The following FAM193A variants were observed in gnomAD, a reference collection of about 807,000 sequenced individuals.
FAM193A encodes the protein protein FAM193A.
A neutral mutation model predicts 126.5 loss-of-function variants in FAM193A; 22 were observed. The ratio of observed to expected loss-of-function variants is 0.17; its 90% CI spans 0.12 to 0.25. The LOEUF is 0.25. Among genes scored for constraint, FAM193A ranks in the 10% least tolerant of loss-of-function variants. The pLI is 1.00. For synonymous variants in FAM193A, 761 were observed against 646.8 expected, an observed-to-expected ratio of 1.18 and a Z score of -2.68; for missense variants, 1,675 against 1,672.8, an observed-to-expected ratio of 1.00 and a Z score of -0.02.
chr4:2,731,916 C>A lies in FAM193A; in HGVS notation c.*48C>A. 7.1e-7 allele frequency: 1 copy of A among 1,417,054 alleles called. No homozygotes were observed. 87.8% of individuals were successfully genotyped at this position (1,417,054 alleles called of 1,614,324 possible). On this transcript the variant is annotated 3_prime_UTR_variant, in exon 21 of 21. Coordinates refer to ENST00000637812, the MANE Select transcript of FAM193A (RefSeq NM_001366318.2). ...CACGCGAGAGGCAGGCCAGGCTGCA[C>A]CACCCCAAGAGCCACGCCCCTCGCT...
At chr4:2,655,213 C>G in intron 7 of FAM193A, 1 of 557,210 alleles carries the variant, frequency 1.8e-6, no homozygotes, top group Non-Finnish European at 3.3e-6. Context: ...ACCTTTATTT[C>G]TAGTTGATTT....
chr4:2,547,073 G>A (rs1416187616), intron 1 of FAM193A, among the ~76,000 whole-genome samples: 1 of 152,128 alleles, frequency 6.6e-6, no homozygotes, highest in Non-Finnish European at 1.5e-5. Flanking sequence ...ATAAGCCCTG[G>A]CCTAAACTGT....
intron 1 of FAM193A, among the ~76,000 whole-genome samples, chr4:2,566,058 T>C (rs1001216175): frequency 6.6e-6 from 1 of 152,040 alleles, no homozygotes; most frequent in Non-Finnish European, 1.5e-5. Context: ...TTGCTTTTTT[T>C]TTTTTTTGAG....
At chr4:2,628,977 C>T (rs866260439) in intron 4 of FAM193A, among the ~76,000 whole-genome samples, 23 of 151,964 alleles carry the variant, frequency 1.5e-4, no homozygotes, top group African/African-American at 4.8e-4. Flanking sequence ...CTCAGCCTCG[C>T]GAGTAGCTGG....
At chr4:2,602,660 ATGTTTT>A (rs1741268980) in intron 2 of FAM193A, among the ~76,000 whole-genome samples, 1 of 149,006 alleles carries the variant, frequency 6.7e-6, no homozygotes, top group African/African-American at 2.5e-5. Context: ...TTTCGTTTTG[ATGTTTT>A]TGTTTTTGTT....
At chr4:2,541,737 G>A (rs1442798543) in intron 1 of FAM193A, among the ~76,000 whole-genome samples, 1 of 151,698 alleles carries the variant, frequency 6.6e-6, no homozygotes, top group Non-Finnish European at 1.5e-5. Flanking sequence ...ACCCACTGCA[G>A]CCTCTCTATT....
At chr4:2,727,459 C>T (rs1435438421) in intron 20 of FAM193A, among the ~76,000 whole-genome samples, 1 of 152,180 alleles carries the variant, frequency 6.6e-6, no homozygotes, top group African/African-American at 2.4e-5. Context: ...TAGCAGCATT[C>T]CCGCTGAGAC....
intron 20 of FAM193A, among the ~76,000 whole-genome samples, chr4:2,718,945 A>G (rs1451815281): frequency 6.6e-6 from 1 of 152,214 alleles, no homozygotes; most frequent in Non-Finnish European, 1.5e-5. Context: ...TGAGAAAACT[A>G]CATTTTAACA....
rs773024588 is a variant in FAM193A at position 2,696,538 on chromosome 4, C to A, written c.3452C>A (p.Thr1151Asn). 4 of 1,614,190 alleles carry A rather than the reference C, an allele frequency of 2.5e-6. No homozygotes were observed. The South Asian group carries it at 4.4e-5, about 18-fold the overall frequency. The change falls in exon 18 of 21, where the codon ACC becomes AAC. Residue 1151 changes from threonine to asparagine, a missense_variant. Physicochemically the swap from Thr to Asn is moderately conservative, Grantham distance 65 (BLOSUM62 0). Around this residue, in one of 4 missense-constraint regions of FAM193A, gnomAD observed 415 missense variants for 396.7 expected, o/e 1.05. Coordinates refer to ENST00000637812, the MANE Select transcript of FAM193A (RefSeq NM_001366318.2). Reference protein sequence around the residue: ...DLLQFINSSETKPVSSTRAAK... With the variant: ...DLLQFINSSENKPVSSTRAAK... ...TTGCAGTTTATAAATAGCTCCGAAA[C>A]CAAACCAGTGAGCAGCACGCGTGCA...
intron 20 of FAM193A, among the ~76,000 whole-genome samples, chr4:2,717,828 A>G (rs1410657064): frequency 2.0e-5 from 3 of 148,654 alleles, no homozygotes; most frequent in African/African-American, 7.4e-5. Context: ...TAATTTTTTT[A>G]TTTTTAGTAG....
Position 2,721,312 on chromosome 4 carries a change from CAAAAAAAA to C in FAM193A, c.4454+5230_4454+5237del, listed in dbSNP as rs56875674. ...TGGGCAACAGAGCAAGACTCCGTCT[CAAAAAAAA>C]AAAAAAAAAAAAAAAAAAAAAGCCA... On this transcript the variant is annotated intron_variant, in intron 20 of 20. Transcript: ENST00000637812. 2.3e-4 allele frequency among the ~76,000 whole-genome samples: 16 copies of C among 70,008 alleles called. 1 individual carries two copies. The highest frequency in any genetic ancestry group is 5.7e-4 in the African/African-American group (9 of 15,820). 45.9% of individuals were successfully genotyped at this position (70,008 alleles called of 152,430 possible).
intron 1 of FAM193A, among the ~76,000 whole-genome samples, chr4:2,540,093 G>C (rs1220828727): frequency 6.7e-6 from 1 of 150,000 alleles, no homozygotes; most frequent in Non-Finnish European, 1.5e-5. Flanking sequence ...ACTACTGCCT[G>C]GGCAACAAGA....
At chr4:2,664,026 T>C (rs1008780085) in intron 12 of FAM193A, among the ~76,000 whole-genome samples, 1 of 152,110 alleles carries the variant, frequency 6.6e-6, no homozygotes, top group Admixed American at 6.5e-5. Context: ...CAAATGAAGG[T>C]CAAAGTGCTT....
intron 19 of FAM193A, among the ~76,000 whole-genome samples, chr4:2,701,134 A>G (rs755007351): frequency 1.1e-4 from 17 of 152,084 alleles, no homozygotes; most frequent in Non-Finnish European, 2.2e-4. Flanking sequence ...TTAACCTAAA[A>G]TACTTCCATG....
intron 7 of FAM193A, chr4:2,655,227 C>T (rs1711535144): frequency 2.0e-6 from 1 of 497,534 alleles, no homozygotes. Flanking sequence ...TTGATTTAGG[C>T]TATCATTTAA....
intron 4 of FAM193A, among the ~76,000 whole-genome samples, chr4:2,630,033 G>A (rs1010249782): frequency 6.6e-6 from 1 of 151,718 alleles, no homozygotes; most frequent in African/African-American, 2.4e-5. Context: ...TCGGGAGGCT[G>A]AGGCAGGAGA....
At chr4:2,587,850 G>A (rs972155156) in intron 1 of FAM193A, among the ~76,000 whole-genome samples, 1 of 152,120 alleles carries the variant, frequency 6.6e-6, no homozygotes, top group African/African-American at 2.4e-5. Context: ...TCTTCAGAGT[G>A]GGAGACAGCA....
chr4:2,686,614 C>T (rs1330247486), intron 13 of FAM193A, among the ~76,000 whole-genome samples: 1 of 152,240 alleles, frequency 6.6e-6, no homozygotes, highest in Non-Finnish European at 1.5e-5. Context: ...GCTCTCTGAA[C>T]ACACATGGGT....
chr4:2,665,682 C>T (rs527528411), intron 12 of FAM193A, among the ~76,000 whole-genome samples: 7 of 152,198 alleles, frequency 4.6e-5, no homozygotes, highest in African/African-American at 1.7e-4. Flanking sequence ...TGCGCCACCA[C>T]GCCCAGCTTT....
Sources: gnomAD v4.1 joint callset for allele counts (sites outside exome capture counted in the v4.1 genomes callset) on GRCh38, gnomAD v4.1.1 for gene constraint, gnomAD v4.1.1 regional missense constraint, MANE v1.5 for transcripts, NCBI Gene and HGNC (gene_info 2026-07-23, HGNC 2026-07-21) for gene names.